TRAPPC9: variants seen among roughly 807,000 people sequenced by gnomAD.
TRAPPC9 encodes the protein trafficking protein particle complex subunit 9.
A neutral mutation model predicts 124.0 loss-of-function variants in TRAPPC9; 83 were observed. That is an observed-to-expected ratio of 0.67 (90% CI 0.56 to 0.80). The LOEUF is 0.80. Among genes scored for constraint, TRAPPC9 ranks in the 30% least tolerant of loss-of-function variants. The pLI, the probability that TRAPPC9 is intolerant of heterozygous loss-of-function variation, is 0.00. For synonymous variants in TRAPPC9, 638 were observed against 617.5 expected, an observed-to-expected ratio of 1.03 and a Z score of -0.49; for missense variants, 1,302 against 1,508.3, an observed-to-expected ratio of 0.86 and a Z score of 2.27.
chr8:140,067,309 A>G (rs1842939158), intron 17 of TRAPPC9, among the ~76,000 whole-genome samples: 1 of 152,034 alleles, frequency 6.6e-6, no homozygotes, highest in African/African-American at 2.4e-5. Context: ...AAACCCAGCT[A>G]ATTTTTTGTA....
rs1011185768 is a variant in TRAPPC9 at position 139,901,232 on chromosome 8, G to T, written c.2964+8915C>A. Among the ~76,000 whole-genome samples the T allele has an allele frequency of 2.0e-5, 3 of 152,150 alleles. No individual in the cohort carries two copies. In the South Asian group the frequency reaches 6.2e-4, roughly 31 times the overall value. On this transcript the variant is annotated intron_variant, in intron 20 of 22. Coordinates refer to ENST00000438773, the MANE Select transcript of TRAPPC9 (RefSeq NM_001160372.4). ...AAAATAGGCTGTTTGCATCCCACGC[G>T]CAAGCTCTGGAGTGAATGACTACAG...
At chr8:139,836,576 C>T (rs73364164) in intron 21 of TRAPPC9, among the ~76,000 whole-genome samples, 150 of 152,322 alleles carry the variant, frequency 9.8e-4, no homozygotes, top group African/African-American at 3.3e-3. Context: ...TGCCGCCACA[C>T]GGGGCAACTG....
At chr8:139,751,528 G>A (rs1370964599) in intron 21 of TRAPPC9, among the ~76,000 whole-genome samples, 1 of 152,106 alleles carries the variant, frequency 6.6e-6, no homozygotes, top group African/African-American at 2.4e-5. Context: ...CACTTCTAAA[G>A]TCATTGACCT....
At position 139,737,475 on chromosome 8, in the gene TRAPPC9, C is replaced by CG. The variant is rs1818272473; in HGVS notation, c.3056-5274_3056-5273insC. 1.6e-5 allele frequency among the ~76,000 whole-genome samples: 2 copies of CG among 128,254 alleles called. 1 individual carries two copies. Among genetic ancestry groups the CG allele is most frequent in the Admixed American group, 1.5e-4 (2 of 13,582 alleles). The allele number at this position is 128,254 out of a possible 152,430, so 84.1% of individuals were successfully genotyped here. ...CGGGGGTCATCAGCCCTCCCCCCCC[C>CG]CCCACGGAAAACCCTGAGTCTGGTG... On this transcript the variant is annotated intron_variant, in intron 21 of 22. Coordinates refer to ENST00000438773, the MANE Select transcript of TRAPPC9 (RefSeq NM_001160372.4).
intron 21 of TRAPPC9, among the ~76,000 whole-genome samples, chr8:139,847,913 C>T (rs1827197463): frequency 6.6e-6 from 1 of 152,224 alleles, no homozygotes; most frequent in African/African-American, 2.4e-5. Flanking sequence ...TCACCACCAC[C>T]AAAGCCTCCG....
intron 19 of TRAPPC9, among the ~76,000 whole-genome samples, chr8:139,925,859 CCT>C (rs1832788968): frequency 6.6e-6 from 1 of 151,100 alleles, no homozygotes; most frequent in Admixed American, 6.6e-5. Context: ...TTCAGATTTA[CCT>C]CTGAGTTATG....
chr8:140,164,044 A>G (rs1182071041), intron 17 of TRAPPC9, among the ~76,000 whole-genome samples: 1 of 152,232 alleles, frequency 6.6e-6, no homozygotes, highest in Non-Finnish European at 1.5e-5. Flanking sequence ...AGCTTTTATT[A>G]AAATATGTGG....
intron 17 of TRAPPC9, among the ~76,000 whole-genome samples, chr8:140,159,927 A>T (rs1383537317): frequency 6.6e-6 from 1 of 152,218 alleles, no homozygotes; most frequent in Non-Finnish European, 1.5e-5. Context: ...AATATTCAGA[A>T]TCTACAACGA....
intron 17 of TRAPPC9, among the ~76,000 whole-genome samples, chr8:140,172,049 A>G (rs896181185): frequency 5.3e-5 from 8 of 152,168 alleles, no homozygotes; most frequent in Non-Finnish European, 1.2e-4. Context: ...AAGCAAATAC[A>G]TAATAGAAAT....
intron 16 of TRAPPC9, among the ~76,000 whole-genome samples, chr8:140,228,408 T>C (rs1233375796): frequency 6.6e-6 from 1 of 152,212 alleles, no homozygotes; most frequent in East Asian, 1.9e-4. Context: ...GCTAAGAAAT[T>C]AGCCAATACT....
intron 20 of TRAPPC9, among the ~76,000 whole-genome samples, chr8:139,889,820 C>T (rs1033095862): frequency 5.3e-5 from 8 of 152,232 alleles, no homozygotes; most frequent in Non-Finnish European, 7.3e-5. Context: ...AGCCCCCCTG[C>T]GGCCCCCTCG....
At chr8:139,843,621 T>C (rs1352562683) in intron 21 of TRAPPC9, among the ~76,000 whole-genome samples, 2 of 151,812 alleles carry the variant, frequency 1.3e-5, no homozygotes, top group Admixed American at 1.3e-4. Flanking sequence ...AAGAGAGAGG[T>C]AGAAACGTCA....
At chr8:139,796,489 A>C (rs1343723463) in intron 21 of TRAPPC9, among the ~76,000 whole-genome samples, 2 of 152,190 alleles carry the variant, frequency 1.3e-5, no homozygotes, top group Non-Finnish European at 2.9e-5. Flanking sequence ...CATTTCAAAT[A>C]AATGGAATCA....
At chr8:140,056,416 A>T (rs1842290526) in intron 17 of TRAPPC9, among the ~76,000 whole-genome samples, 3 of 152,078 alleles carry the variant, frequency 2.0e-5, no homozygotes, top group Admixed American at 2.0e-4. Context: ...TCTCTAAAAA[A>T]AAAACAAAAA....
At chr8:140,387,362 A>G (rs1277344786) in intron 7 of TRAPPC9, among the ~76,000 whole-genome samples, 2 of 152,228 alleles carry the variant, frequency 1.3e-5, no homozygotes, top group South Asian at 2.1e-4. Flanking sequence ...ACAAAAGCCA[A>G]AATTGACAAA....
intron 21 of TRAPPC9, among the ~76,000 whole-genome samples, chr8:139,800,975 CGGCATCTTCCCCCGCTCT>C (rs1197632663): frequency 6.8e-6 from 1 of 146,704 alleles, no homozygotes; most frequent in African/African-American, 2.5e-5. Context: ...TCCCTCCCTC[CGGCATCTTCCCCCGCTCT>C]GGCACCTTCC....
intron 21 of TRAPPC9, among the ~76,000 whole-genome samples, chr8:139,799,153 T>C (rs1027018231): frequency 6.6e-6 from 1 of 152,138 alleles, no homozygotes; most frequent in Non-Finnish European, 1.5e-5. Context: ...TGGGAGGTAA[T>C]AGGATCCTGC....
intron 20 of TRAPPC9, among the ~76,000 whole-genome samples, chr8:139,890,551 C>A (rs1293380220): frequency 1.3e-5 from 2 of 152,184 alleles, no homozygotes; most frequent in Non-Finnish European, 2.9e-5. Context: ...AGAGGGCTGG[C>A]CTGGCTGGGC....
intron 21 of TRAPPC9, among the ~76,000 whole-genome samples, chr8:139,874,961 T>G (rs1197253669): frequency 6.6e-6 from 1 of 152,208 alleles, no homozygotes; most frequent in African/African-American, 2.4e-5. Flanking sequence ...AGACAGTGCT[T>G]ACCCCACTGG....
Sources: gnomAD v4.1 joint callset for allele counts (sites outside exome capture counted in the v4.1 genomes callset) on GRCh38, gnomAD v4.1.1 for gene constraint, MANE v1.5 for transcripts, NCBI Gene and HGNC (gene_info 2026-07-23, HGNC 2026-07-21) for gene names.